The following GRK5 variants were observed in gnomAD, a reference collection of about 807,000 sequenced individuals.
GRK5 encodes the protein G protein-coupled receptor kinase 5.
A neutral mutation model predicts 78.4 loss-of-function variants in GRK5; 40 were observed. The ratio of observed to expected loss-of-function variants is 0.51; its 90% CI spans 0.40 to 0.66. The LOEUF (loss-of-function observed/expected upper bound fraction) is 0.66. GRK5 is among the 30% of genes least tolerant of loss of function. GRK5 has a pLI of 0.00. For missense variants in GRK5, 598 were observed against 759.9 expected (o/e 0.79, Z 2.50); for synonymous variants, 289 against 296.8 (o/e 0.97, Z 0.27).
At chr10:119,437,024 G>A (rs966721874) in intron 9 of GRK5, among the ~76,000 whole-genome samples, 183 bp downstream of exon 9, 10 of 152,338 alleles carry the variant, frequency 6.6e-5, no homozygotes, top group East Asian at 5.8e-4. Context: ...CTGAGGAAGC[G>A]AGGTGGGCCA....
At chr10:119,440,320 T>G (rs1423815234) in intron 10 of GRK5, among the ~76,000 whole-genome samples, 1 of 152,046 alleles carries the variant, frequency 6.6e-6, no homozygotes, top group Non-Finnish European at 1.5e-5. Context: ...CACTGAATAA[T>G]AAGAACAACC....
At position 119,363,931 on chromosome 10, in the gene GRK5, G is replaced by C. The variant is rs141657751; in HGVS notation, c.149-16884G>C. ...GACAGCTAGTGTTTCTGTCCCAGAG[G>C]TGGAGCTGGGATATGCGTCCAGGAG... On this transcript the variant is annotated intron_variant, in intron 2 of 15. Transcript: ENST00000392870. 5.4e-4 allele frequency among the ~76,000 whole-genome samples: 82 copies of C among 152,312 alleles called. 1 individual carries two copies. The highest frequency in any genetic ancestry group is 1.1e-3 in the Non-Finnish European group (72 of 68,024).
chr10:119,419,049 C>G (rs1236511228), intron 4 of GRK5, among the ~76,000 whole-genome samples: 2 of 152,244 alleles, frequency 1.3e-5, no homozygotes, highest in African/African-American at 4.8e-5. Context: ...TCCTGACACT[C>G]CTGAGTCCTC....
chr10:119,277,760 C>A (rs1373463717), intron 1 of GRK5, among the ~76,000 whole-genome samples: 3 of 152,216 alleles, frequency 2.0e-5, no homozygotes, highest in African/African-American at 4.8e-5. Context: ...AGCCACTGTT[C>A]TTGCTTTCTG....
At chr10:119,321,140 CT>C (rs1471714440) in intron 1 of GRK5, among the ~76,000 whole-genome samples, 1 of 152,194 alleles carries the variant, frequency 6.6e-6, no homozygotes, top group Non-Finnish European at 1.5e-5. Context: ...GAAGTGAAAC[CT>C]TCTCCCAGCC....
chr10:119,325,067 T>G (rs1850650830), intron 1 of GRK5, among the ~76,000 whole-genome samples: 1 of 152,214 alleles, frequency 6.6e-6, no homozygotes, highest in South Asian at 2.1e-4. Flanking sequence ...TCTCTCCTGC[T>G]TCCTGGAGCA....
intron 1 of GRK5, among the ~76,000 whole-genome samples, chr10:119,310,927 A>T (rs528174225): frequency 6.6e-6 from 1 of 152,268 alleles, no homozygotes; most frequent in South Asian, 2.1e-4. Context: ...TCCCCGTCTG[A>T]TGAGAACCCC....
chr10:119,225,274 C>T (rs1848717266), intron 1 of GRK5, among the ~76,000 whole-genome samples: 1 of 152,184 alleles, frequency 6.6e-6, no homozygotes, highest in Non-Finnish European at 1.5e-5. Flanking sequence ...AATAAACTGT[C>T]TTCCTGGAAA....
At chr10:119,345,636 G>A (rs189254304) in intron 2 of GRK5, among the ~76,000 whole-genome samples, 2 of 152,118 alleles carry the variant, frequency 1.3e-5, no homozygotes, top group Non-Finnish European at 2.9e-5. Context: ...CTCTGAAGTC[G>A]TGAAACTTGA....
intron 1 of GRK5, among the ~76,000 whole-genome samples, chr10:119,303,093 G>A (rs749652050): frequency 5.3e-5 from 8 of 152,336 alleles, no homozygotes; most frequent in Middle Eastern, 3.4e-3. Flanking sequence ...AGGTGCACTC[G>A]TGGAGGGTGA....
intron 2 of GRK5, among the ~76,000 whole-genome samples, chr10:119,344,921 C>CCTTCCTTCCTTCCTTCCTTCCTTG (rs1851058497): frequency 2.2e-5 from 3 of 139,360 alleles, no homozygotes; most frequent in South Asian, 4.6e-4. Context: ...TTCCTTCCTT[C>CCTTCCTTCCTTCCTTCCTTCCTTG]CTTCCTTCCT....
At chr10:119,437,554 T>A (rs1455974820) in intron 9 of GRK5, among the ~76,000 whole-genome samples, 2 of 152,226 alleles carry the variant, frequency 1.3e-5, no homozygotes, top group African/African-American at 4.8e-5. Context: ...CCTCAGGGGA[T>A]CCAGTGGAAT....
intron 1 of GRK5, among the ~76,000 whole-genome samples, chr10:119,272,647 T>C (rs1849603006): frequency 6.7e-6 from 1 of 148,504 alleles, no homozygotes; most frequent in African/African-American, 2.5e-5. Flanking sequence ...TTTCATGGGG[T>C]CGTTGCGAGC....
chr10:119,438,238 T>G (rs1852961905), intron 9 of GRK5, among the ~76,000 whole-genome samples: 1 of 152,186 alleles, frequency 6.6e-6, no homozygotes, highest in Non-Finnish European at 1.5e-5. Flanking sequence ...GCTTTTCTTC[T>G]GTAACTTGGG....
chr10:119,326,700 C>CCAAGCTGTCTGTG, intron 2 of GRK5, 89 bp downstream of exon 2: 4 of 972,260 alleles, frequency 4.1e-6, no homozygotes, highest in Non-Finnish European at 6.5e-6. Flanking sequence ...GGGTGAGCCG[C>CCAAGCTGTCTGTG]CAAGCTGTCT....
chr10:119,445,895 C>G lies in GRK5; in HGVS notation c.1266+2143C>G, dbSNP rs973102854. Among the ~76,000 whole-genome samples, 6 of 151,996 alleles carry G rather than the reference C, an allele frequency of 3.9e-5. No individual in the cohort carries two copies. The highest frequency in any genetic ancestry group is 1.4e-4 in the African/African-American group (6 of 41,414). ...GCCCCCAGGTCTGTCCCCCATTCTACCTTAGCAGCCGCAGAACCCACTCCC... is the reference window on the plus strand; with the variant it reads ...GCCCCCAGGTCTGTCCCCCATTCTAGCTTAGCAGCCGCAGAACCCACTCCC... On this transcript the variant is annotated intron_variant, in intron 12 of 15. Transcript: ENST00000392870. The surrounding 1 kb of genome is among the most constrained non-coding windows in gnomAD (Gnocchi z 4.1).
At chr10:119,284,858 T>C (rs546631446) in intron 1 of GRK5, among the ~76,000 whole-genome samples, 1 of 152,256 alleles carries the variant, frequency 6.6e-6, no homozygotes, top group Admixed American at 6.5e-5. Context: ...CTGGGGCCTC[T>C]CGTGGAAATG....
chr10:119,439,549 TG>T (rs1354443269), intron 9 of GRK5, among the ~76,000 whole-genome samples, 181 bp from the exon 10 acceptor site: 1 of 152,254 alleles, frequency 6.6e-6, no homozygotes, highest in Non-Finnish European at 1.5e-5. Context: ...TTTAAATTAC[TG>T]GAAGGAGAAA....
chr10:119,242,170 G>C (rs952232533), intron 1 of GRK5, among the ~76,000 whole-genome samples: 7 of 151,836 alleles, frequency 4.6e-5, no homozygotes. Flanking sequence ...TGCCAAAGTG[G>C]TATATTTTCG....
Sources: allele counts gnomAD v4.1 joint callset (sites outside exome capture counted in the v4.1 genomes callset), GRCh38; gene constraint gnomAD v4.1.1; non-coding constraint Gnocchi (gnomAD v3.1); transcripts MANE v1.5; gene names NCBI Gene and HGNC (gene_info 2026-07-23, HGNC 2026-07-21).